The following CREBRF variants were observed in gnomAD, a reference collection of about 807,000 sequenced individuals.
CREBRF encodes CREB3 regulatory factor.
Under a neutral mutation model 66.1 loss-of-function variants are expected in CREBRF, and 5 were observed. The ratio of observed to expected loss-of-function variants is 0.08; its 90% CI spans 0.04 to 0.16. CREBRF has a LOEUF of 0.16. Ranked by LOEUF, CREBRF falls within the 10% of genes least tolerant of loss-of-function variation. The pLI, the probability that CREBRF is intolerant of heterozygous loss-of-function variation, is 1.00. For synonymous variants in CREBRF, 229 were observed against 264.4 expected (o/e 0.87, Z 1.30); for missense variants, 531 against 744.9 (o/e 0.71, Z 3.34).
At chr5:173,133,585 C>A in intron 8 of CREBRF, 45 bp from the exon 9 acceptor site, 2 of 1,129,582 alleles carry the variant, frequency 1.8e-6, no homozygotes, top group Admixed American at 1.8e-5. Context: ...CCCTTCATGG[C>A]CTTCCATTTT....
chr5:173,130,471 T>A (rs1158013440), intron 8 of CREBRF, among the ~76,000 whole-genome samples: 2 of 151,988 alleles, frequency 1.3e-5, no homozygotes, highest in Non-Finnish European at 2.9e-5. Flanking sequence ...ACGATGAACA[T>A]ATATGTTTCG....
At chr5:173,093,511 C>T (rs1309309673) in intron 4 of CREBRF, among the ~76,000 whole-genome samples, 1 of 152,154 alleles carries the variant, frequency 6.6e-6, no homozygotes, top group Non-Finnish European at 1.5e-5. Context: ...TTGGCCTACA[C>T]AATACAGTTG....
intron 3 of CREBRF, among the ~76,000 whole-genome samples, chr5:173,087,669 C>A (rs1400336346): frequency 1.3e-5 from 2 of 150,738 alleles, no homozygotes; most frequent in African/African-American, 4.9e-5. Flanking sequence ...GCATTCCAGT[C>A]TGGCAGACTG....
At chr5:173,102,730 G>C (rs1486386152) in intron 4 of CREBRF, among the ~76,000 whole-genome samples, 1 of 152,128 alleles carries the variant, frequency 6.6e-6, no homozygotes, top group Non-Finnish European at 1.5e-5. Context: ...GGGCAGGCCT[G>C]TCAACTAGGA....
chr5:173,124,002 C>T (rs527599263), intron 8 of CREBRF: 2 of 152,112 alleles, frequency 1.3e-5, no homozygotes, highest in South Asian at 4.2e-4. Flanking sequence ...CATAGCATTT[C>T]TTTCTTTTCT....
At chr5:173,064,359 G>A (rs1335595840) in intron 1 of CREBRF, among the ~76,000 whole-genome samples, 5 of 152,044 alleles carry the variant, frequency 3.3e-5, no homozygotes, top group African/African-American at 9.7e-5. Context: ...CTAGTGGTAT[G>A]GTATAAATGA....
intron 8 of CREBRF, among the ~76,000 whole-genome samples, chr5:173,132,819 G>C (rs111515895): frequency 6.6e-6 from 1 of 150,536 alleles, no homozygotes; most frequent in Non-Finnish European, 1.5e-5. Context: ...GGCTGGTCTT[G>C]AACTTCCGAC....
At chr5:173,091,430 CTGACCTTTGTATTACTATTTTGAAAT>C in intron 4 of CREBRF, 29 bp downstream of exon 4, 1 of 1,601,182 alleles carries the variant, frequency 6.2e-7, no homozygotes, top group East Asian at 2.2e-5. Flanking sequence ...GCTTACCAGA[CTGACCTTTGTATTACTATTTTGAAAT>C]AGAAAGGTTT....
intron 1 of CREBRF, 105 bp downstream of exon 1, chr5:173,056,584 C>G: frequency 2.5e-6 from 1 of 394,156 alleles, no homozygotes; most frequent in Non-Finnish European, 4.5e-6. Context: ...AGCGCTGGGG[C>G]TCTGGGCCGG....
At chr5:173,070,047 A>G (rs1757553670) in intron 1 of CREBRF, among the ~76,000 whole-genome samples, 1 of 151,900 alleles carries the variant, frequency 6.6e-6, no homozygotes, top group African/African-American at 2.4e-5. Flanking sequence ...GGTGTGTGCC[A>G]CCACGCCTAA....
intron 8 of CREBRF, among the ~76,000 whole-genome samples, chr5:173,132,122 G>C (rs1010754397): frequency 8.6e-6 from 1 of 116,936 alleles, no homozygotes; most frequent in Non-Finnish European, 1.7e-5. Context: ...TTTCACTCTT[G>C]TTGCCCAGGC....
intron 1 of CREBRF, among the ~76,000 whole-genome samples, chr5:173,069,066 C>G (rs564928288): frequency 2.0e-5 from 3 of 151,670 alleles, no homozygotes; most frequent in Non-Finnish European, 4.4e-5. Context: ...AGGGAGACTC[C>G]GTCTCAAAAA....
At chr5:173,126,460 C>T (rs754497735) in intron 8 of CREBRF, among the ~76,000 whole-genome samples, 15 of 152,072 alleles carry the variant, frequency 9.9e-5, no homozygotes, top group East Asian at 3.9e-4. Context: ...TGTTTTATCA[C>T]GGCTTGCTCC....
At chr5:173,121,534 G>C (rs538025523) in intron 7 of CREBRF, among the ~76,000 whole-genome samples, 1 of 152,126 alleles carries the variant, frequency 6.6e-6, no homozygotes, top group African/African-American at 2.4e-5. Flanking sequence ...GTGTTAGCCA[G>C]GTTGGTCTCT....
intron 7 of CREBRF, among the ~76,000 whole-genome samples, chr5:173,116,389 C>G (rs887142123): frequency 2.0e-5 from 3 of 152,170 alleles, no homozygotes; most frequent in Non-Finnish European, 4.4e-5. Flanking sequence ...TCATTCTGCT[C>G]TCCACTCCTA....
intron 4 of CREBRF, among the ~76,000 whole-genome samples, chr5:173,097,032 C>T (rs72816122): frequency 0.093 from 14,190 of 152,012 alleles, 784 homozygotes; most frequent in South Asian, 0.16. Flanking sequence ...TTTTTGCATC[C>T]ATGTCCATCA....
intron 1 of CREBRF, among the ~76,000 whole-genome samples, chr5:173,072,525 C>G (rs939431620): frequency 1.3e-5 from 2 of 151,896 alleles, no homozygotes; most frequent in Admixed American, 1.3e-4. Context: ...ATCTGCCTGC[C>G]TTGGCCTCCT....
In CREBRF at chr5:173,090,393, G is replaced by A. The variant is rs777994509; in HGVS notation, c.214G>A (p.Glu72Lys). Reference protein sequence around the residue: ...LEDCKDIENLESFTDVLDNEG... With the variant: ...LEDCKDIENLKSFTDVLDNEG... ...GGACTGCAAAGACATTGAAAATCTG[G>A]AGTCTTTCACAGATGTCCTGGATAA... Residue 72 changes from glutamate (E) to lysine (K), a missense_variant, in exon 4 of 9, where the codon GAG becomes AAG. Around this residue, in one of 5 missense-constraint regions of CREBRF, gnomAD observed 133 missense variants for 215.6 expected, o/e 0.62. Coordinates refer to ENST00000296953, the MANE Select transcript of CREBRF (RefSeq NM_153607.3). This position sits in a 1 kb window ranked among gnomAD's most constrained non-coding sequence, Gnocchi z 4.5. 6.2e-7 allele frequency: 1 copy of A among 1,613,436 alleles called. No homozygotes were observed. Among genetic ancestry groups the A allele is most frequent in the Non-Finnish European group, 8.5e-7 (1 of 1,179,482 alleles).
intron 7 of CREBRF, among the ~76,000 whole-genome samples, chr5:173,114,899 G>T (rs1281216272): frequency 6.6e-6 from 1 of 152,182 alleles, no homozygotes; most frequent in East Asian, 1.9e-4. Context: ...AGAGGAGGAG[G>T]ATCTGTTTAT....
Sources: allele counts gnomAD v4.1 joint callset (sites outside exome capture counted in the v4.1 genomes callset), GRCh38; gene constraint gnomAD v4.1.1; regional missense constraint gnomAD v4.1.1; non-coding constraint Gnocchi (gnomAD v3.1); transcripts MANE v1.5; gene names NCBI Gene and HGNC (gene_info 2026-07-23, HGNC 2026-07-21).